CD8B: variants seen among roughly 807,000 people sequenced by gnomAD.
CD8B encodes the protein T-cell surface glycoprotein CD8 beta chain.
Under a neutral mutation model 24.2 loss-of-function variants are expected in CD8B, and 6 were observed. The ratio of observed to expected loss-of-function variants is 0.25; its 90% CI spans 0.14 to 0.49. The LOEUF is 0.49. Ranked by LOEUF, CD8B falls within the 20% of genes least tolerant of loss-of-function variation. The pLI, the probability that CD8B is intolerant of heterozygous loss-of-function variation, is 0.98. For missense variants in CD8B, 196 were observed against 271.3 expected, an observed-to-expected ratio of 0.72 and a Z score of 1.95; for synonymous variants, 84 against 108.3, an observed-to-expected ratio of 0.78 and a Z score of 1.39.
At chr2:86,852,551 A>G (rs1428025280) in intron 3 of CD8B, among the ~76,000 whole-genome samples, 4 of 151,838 alleles carry the variant, frequency 2.6e-5, no homozygotes, top group African/African-American at 7.3e-5. Context: ...ACAGAGGATC[A>G]TATGCTGGAT....
intron 5 of CD8B, among the ~76,000 whole-genome samples, chr2:86,831,288 A>G (rs1383362725): frequency 6.6e-6 from 1 of 152,104 alleles, no homozygotes; most frequent in African/African-American, 2.4e-5. Flanking sequence ...GCTGGTCTTG[A>G]ACTCCTGACC....
intron 5 of CD8B, among the ~76,000 whole-genome samples, chr2:86,820,302 A>G (rs1179214391): frequency 6.6e-6 from 1 of 152,252 alleles, no homozygotes; most frequent in Non-Finnish European, 1.5e-5. Context: ...ATCGCATGCT[A>G]CAGATAAATC....
At chr2:86,826,699 G>C (rs758176030) in intron 5 of CD8B, among the ~76,000 whole-genome samples, 9 of 152,164 alleles carry the variant, frequency 5.9e-5, no homozygotes, top group Non-Finnish European at 1.2e-4. Context: ...TCCTGTAGAC[G>C]ACAGTGTCGC....
downstream of CD8B, among the ~76,000 whole-genome samples, chr2:86,834,863 G>A (rs902266364): frequency 6.7e-6 from 1 of 150,184 alleles, no homozygotes; most frequent in African/African-American, 2.5e-5. Context: ...TTGAACCCGG[G>A]AGGCGGAGGT....
At chr2:86,815,664 G>A (rs956326398) in exon 6 of CD8B, 1 of 1,613,776 alleles carries the variant, frequency 6.2e-7, no homozygotes, top group Non-Finnish European at 8.5e-7. Context: ...TATTGCTGTA[G>A]TATCCATGCA....
chr2:86,817,089 T>A (rs964554108), intron 5 of CD8B, among the ~76,000 whole-genome samples: 1 of 152,172 alleles, frequency 6.6e-6, no homozygotes, highest in Non-Finnish European at 1.5e-5. Flanking sequence ...ATCAGTGAGA[T>A]GCAAATGAAA....
intron 5 of CD8B, among the ~76,000 whole-genome samples, chr2:86,826,907 T>C (rs1207705237): frequency 9.2e-5 from 14 of 151,572 alleles, no homozygotes; most frequent in Non-Finnish European, 1.2e-4. Context: ...CTGCAACCTC[T>C]GCCTCTCGGG....
intron 5 of CD8B, among the ~76,000 whole-genome samples, chr2:86,817,594 A>T (rs896078397): frequency 6.6e-6 from 1 of 152,188 alleles, no homozygotes; most frequent in Non-Finnish European, 1.5e-5. Flanking sequence ...TTATTATGTC[A>T]TTGTTTATAG....
At chr2:86,851,391 C>G (rs1197045770) in intron 3 of CD8B, among the ~76,000 whole-genome samples, 1 of 152,158 alleles carries the variant, frequency 6.6e-6, no homozygotes, top group South Asian at 2.1e-4. Context: ...CTTGCGCCCT[C>G]ATCTTAGTGG....
downstream of CD8B, among the ~76,000 whole-genome samples, chr2:86,837,241 G>C (rs988169113): frequency 6.6e-6 from 1 of 152,176 alleles, no homozygotes; most frequent in Non-Finnish European, 1.5e-5. Flanking sequence ...AAGGGTACTC[G>C]CTTGTGAAAG....
At chr2:86,817,933 G>A (rs1248705022) in intron 5 of CD8B, among the ~76,000 whole-genome samples, 1 of 152,100 alleles carries the variant, frequency 6.6e-6, no homozygotes, top group Non-Finnish European at 1.5e-5. Flanking sequence ...TCACTGGCTG[G>A]GTGCAGTGGC....
chr2:86,846,840 T>G (rs1437320134), intron 3 of CD8B, 67 bp from the exon 4 acceptor site: 1 of 1,075,670 alleles, frequency 9.3e-7, no homozygotes, highest in Non-Finnish European at 1.4e-6. Context: ...CGCAGAAAAA[T>G]ACAAGGAGCG....
chr2:86,825,243 C>T (rs1674630941), intron 5 of CD8B, among the ~76,000 whole-genome samples: 1 of 152,072 alleles, frequency 6.6e-6, no homozygotes, highest in African/African-American at 2.4e-5. Context: ...ATAACGTCCC[C>T]ACATAAAAGG....
chr2:86,826,571 C>T (rs190272415), intron 5 of CD8B, among the ~76,000 whole-genome samples: 2 of 152,274 alleles, frequency 1.3e-5, no homozygotes, highest in Non-Finnish European at 2.9e-5. Context: ...GGAAAGAACC[C>T]TAACGACCAT....
intron 5 of CD8B, among the ~76,000 whole-genome samples, chr2:86,830,012 C>A (rs754085785): frequency 6.6e-6 from 1 of 152,144 alleles, no homozygotes; most frequent in African/African-American, 2.4e-5. Context: ...TCATTTATTA[C>A]CTTGCATGGA....
At chr2:86,837,204 A>G (rs1675211104), downstream of CD8B, among the ~76,000 whole-genome samples, 1 of 152,216 alleles carries the variant, frequency 6.6e-6, no homozygotes, top group Non-Finnish European at 1.5e-5. Flanking sequence ...TTCCTTTCAA[A>G]TTTAGAAGTC....
chr2:86,818,964 C>T (rs1158874689), intron 5 of CD8B, among the ~76,000 whole-genome samples: 2 of 152,138 alleles, frequency 1.3e-5, no homozygotes, highest in Non-Finnish European at 2.9e-5. Flanking sequence ...AACGAAATAG[C>T]CTTATTGCTG....
downstream of CD8B, among the ~76,000 whole-genome samples, chr2:86,836,600 A>G (rs903851277): frequency 2.0e-5 from 3 of 152,134 alleles, no homozygotes; most frequent in Admixed American, 2.0e-4. Context: ...AGCCTGGGCA[A>G]CATAGCGAGA....
At position 86,824,787 on chromosome 2, in the gene CD8B, A is replaced by G. The variant is rs553178067; in HGVS notation, c.621-9069T>C. ...TTGCTTACTATAAACACAGTGCTACATCCTGCTTTTCCTTTACTTCATTGC... is the reference window on the plus strand; with the variant it reads ...TTGCTTACTATAAACACAGTGCTACGTCCTGCTTTTCCTTTACTTCATTGC... On this transcript the variant is annotated intron_variant, in intron 5 of 5. Transcript: ENST00000331469. 5.1e-4 allele frequency among the ~76,000 whole-genome samples: 77 copies of G among 152,300 alleles called. 1 individual carries two copies. The highest frequency in any genetic ancestry group is 1.8e-3 in the African/African-American group (74 of 41,560).
Sources: gnomAD v4.1 joint callset for allele counts (sites outside exome capture counted in the v4.1 genomes callset) on GRCh38, gnomAD v4.1.1 for gene constraint, MANE v1.5 for transcripts, NCBI Gene and HGNC (gene_info 2026-07-23, HGNC 2026-07-21) for gene names.